The following APBA1 variants were observed in gnomAD, a reference collection of about 807,000 sequenced individuals.
APBA1 encodes the protein amyloid-beta A4 precursor protein-binding family A member 1.
In APBA1, 55 loss-of-function variants were observed where a neutral mutation model predicts 86.6. The ratio of observed to expected loss-of-function variants is 0.64; its 90% CI spans 0.51 to 0.80. The LOEUF (loss-of-function observed/expected upper bound fraction) is 0.80. Ranked by LOEUF, APBA1 falls within the 30% of genes least tolerant of loss-of-function variation. The pLI, the probability that APBA1 is intolerant of heterozygous loss-of-function variation, is 0.00. For synonymous variants in APBA1, 511 were observed against 493.9 expected (o/e 1.03, Z -0.46); for missense variants, 1,090 against 1,183.0 (o/e 0.92, Z 1.15).
intron 1 of APBA1, among the ~76,000 whole-genome samples, chr9:69,629,820 C>A (rs1823003985): frequency 6.6e-6 from 1 of 152,108 alleles, no homozygotes; most frequent in African/African-American, 2.4e-5. Context: ...AATTAATAAG[C>A]AAGCAAACAA....
At chr9:69,489,299 G>A (rs1835663667) in intron 2 of APBA1, among the ~76,000 whole-genome samples, 1 of 151,870 alleles carries the variant, frequency 6.6e-6, no homozygotes, top group Non-Finnish European at 1.5e-5. Flanking sequence ...CAATGGAACA[G>A]AACAGAGCCC....
chr9:69,552,724 G>A (rs1267698226), intron 1 of APBA1, among the ~76,000 whole-genome samples: 7 of 152,184 alleles, frequency 4.6e-5, no homozygotes, highest in African/African-American at 1.7e-4. Context: ...ATTCATTCAT[G>A]TACAGGAAGC....
intron 1 of APBA1, among the ~76,000 whole-genome samples, chr9:69,578,856 C>T (rs2133954650): frequency 6.6e-6 from 1 of 152,326 alleles, no homozygotes; most frequent in Middle Eastern, 3.4e-3. Context: ...GGGACAGTGA[C>T]TCTGCCTTTG....
intron 2 of APBA1, among the ~76,000 whole-genome samples, chr9:69,483,304 C>T (rs77192408): frequency 1.3e-5 from 2 of 151,966 alleles, no homozygotes; most frequent in African/African-American, 2.4e-5. Context: ...TGTGGGGATG[C>T]GTGGGGAGGT....
At chr9:69,653,663 T>C (rs1823552534) in intron 1 of APBA1, among the ~76,000 whole-genome samples, 1 of 152,190 alleles carries the variant, frequency 6.6e-6, no homozygotes, top group East Asian at 1.9e-4. Flanking sequence ...CTTTGGAAAG[T>C]ATGCAAAATC....
rs78056207 is a variant in APBA1, at chr9:69,662,911, T to C, written c.-70+9242A>G. Among the ~76,000 whole-genome samples, 134 of 152,340 alleles carry C rather than the reference T, an allele frequency of 8.8e-4. 4 individuals carry two copies. The East Asian group carries it at 0.022, about 25-fold the overall frequency. On this transcript the variant is annotated intron_variant, in intron 1 of 12. Coordinates refer to ENST00000265381, the MANE Select transcript of APBA1 (RefSeq NM_001163.4). ...TTTTCCACACTAATGTAATTTCTTC[T>C]TTTGGAAACAAAATGTCTACTCAAA...
intron 1 of APBA1, among the ~76,000 whole-genome samples, chr9:69,562,366 CTTTCT>C (rs745848913): frequency 2.6e-5 from 4 of 150,952 alleles, no homozygotes; most frequent in Admixed American, 6.6e-5. Flanking sequence ...CCTAGATTTT[CTTTCT>C]TTTCTTTTCT....
chr9:69,432,133 A>G, intron 12 of APBA1, among the ~76,000 whole-genome samples: 1 of 152,266 alleles, frequency 6.6e-6, no homozygotes, highest in African/African-American at 2.4e-5. Flanking sequence ...GCCACACTGC[A>G]CTGGGGTCAC....
intron 1 of APBA1, among the ~76,000 whole-genome samples, chr9:69,652,773 A>C (rs914222154): frequency 6.6e-6 from 1 of 152,164 alleles, no homozygotes; most frequent in African/African-American, 2.4e-5. Flanking sequence ...GGTGGATCAT[A>C]AGGTCAGGAG....
At chr9:69,495,553 C>T (rs1835780940) in intron 2 of APBA1, among the ~76,000 whole-genome samples, 1 of 152,066 alleles carries the variant, frequency 6.6e-6, no homozygotes, top group Admixed American at 6.5e-5. Context: ...GTGTCCGACC[C>T]TCACATTAAC....
At chr9:69,579,977 A>G (rs1241750406) in intron 1 of APBA1, among the ~76,000 whole-genome samples, 4 of 152,032 alleles carry the variant, frequency 2.6e-5, no homozygotes, top group Non-Finnish European at 2.9e-5. Flanking sequence ...CCATATGGAT[A>G]TTTTCCTACT....
intron 1 of APBA1, among the ~76,000 whole-genome samples, chr9:69,658,306 CTTTCTTTCTTTCTTTCTTTCTTTCTT>C (rs1823672565): frequency 2.3e-4 from 16 of 70,856 alleles, no homozygotes; most frequent in African/African-American, 6.0e-4. Flanking sequence ...CTCTCTCTCT[CTTTCTTTCTTTCTTTCTTTCTTTCTT>C]TCTTTCTTTC....
At chr9:69,491,121 T>C (rs556541480) in intron 2 of APBA1, among the ~76,000 whole-genome samples, 11 of 152,140 alleles carry the variant, frequency 7.2e-5, no homozygotes, top group African/African-American at 2.2e-4. Flanking sequence ...ACCCAAACGA[T>C]TATAAATCAT....
At chr9:69,605,298 G>A (rs889386459) in intron 1 of APBA1, among the ~76,000 whole-genome samples, 2 of 151,746 alleles carry the variant, frequency 1.3e-5, no homozygotes, top group African/African-American at 2.4e-5. Flanking sequence ...GGCCTCCCCA[G>A]AGCAAACTAA....
intron 1 of APBA1, among the ~76,000 whole-genome samples, chr9:69,600,806 TAATA>T (rs60164245): frequency 4.3e-4 from 62 of 143,724 alleles, no homozygotes; most frequent in African/African-American, 5.4e-4. Context: ...CAAAAAATAA[TAATA>T]AATAAATAAA....
chr9:69,603,362 T>A (rs1356994323), intron 1 of APBA1, among the ~76,000 whole-genome samples: 1 of 152,224 alleles, frequency 6.6e-6, no homozygotes, highest in African/African-American at 2.4e-5. Flanking sequence ...AGAAAGAATG[T>A]GTGTAAATCT....
At chr9:69,530,337 C>CA (rs1271511503) in intron 1 of APBA1, among the ~76,000 whole-genome samples, 2 of 142,538 alleles carry the variant, frequency 1.4e-5, no homozygotes, top group Non-Finnish European at 3.1e-5. Context: ...TATACACACA[C>CA]ACACACACAC....
intron 1 of APBA1, among the ~76,000 whole-genome samples, chr9:69,533,127 C>A (rs1373492902): frequency 6.6e-6 from 1 of 152,130 alleles, no homozygotes; most frequent in Non-Finnish European, 1.5e-5. Flanking sequence ...TGCCCTGATC[C>A]ATTAAAGCTC....
intron 1 of APBA1, among the ~76,000 whole-genome samples, chr9:69,592,461 T>C (rs1469139881): frequency 6.6e-6 from 1 of 152,188 alleles, no homozygotes; most frequent in Admixed American, 6.5e-5. Context: ...CAGGTTGTCG[T>C]GTTGAGCACC....
Sources: allele counts gnomAD v4.1 joint callset (sites outside exome capture counted in the v4.1 genomes callset), GRCh38; gene constraint gnomAD v4.1.1; transcripts MANE v1.5; gene names NCBI Gene and HGNC (gene_info 2026-07-23, HGNC 2026-07-21).